Variants in LRRC69 observed in about 807,000 individuals in gnomAD.
The protein encoded by LRRC69 is leucine-rich repeat-containing protein 69.
A neutral mutation model predicts 37.8 loss-of-function variants in LRRC69; 42 were observed. The ratio of observed to expected loss-of-function variants is 1.11; its 90% CI spans 0.87 to 1.44. The LOEUF (loss-of-function observed/expected upper bound fraction) is 1.44, where lower values mean the gene tolerates loss of function less well. LRRC69 is among the 40% of genes most tolerant of loss of function. The pLI, the probability that LRRC69 is intolerant of heterozygous loss-of-function variation, is 0.00. For missense variants in LRRC69, 357 were observed against 401.9 expected (o/e 0.89, Z 0.96); for synonymous variants, 141 against 143.1 (o/e 0.99, Z 0.11).
intron 1 of LRRC69, among the ~76,000 whole-genome samples, chr8:91,117,709 A>G (rs894073232): frequency 1.3e-5 from 2 of 151,742 alleles, no homozygotes; most frequent in Non-Finnish European, 2.9e-5. Context: ...AAAACTAATT[A>G]TGCACCAACA....
chr8:91,132,527 A>G (rs1349753885), intron 3 of LRRC69, among the ~76,000 whole-genome samples: 1 of 152,040 alleles, frequency 6.6e-6, no homozygotes, highest in Non-Finnish European at 1.5e-5. Flanking sequence ...TTCAGGAACC[A>G]TATCTGCAAT....
At chr8:91,161,921 T>G (rs2130566336) in intron 5 of LRRC69, among the ~76,000 whole-genome samples, 1 of 151,486 alleles carries the variant, frequency 6.6e-6, no homozygotes, top group South Asian at 2.1e-4. Flanking sequence ...TAGTAATGCT[T>G]TTACTATATT....
chr8:91,173,245 G>A (rs1287297612), intron 5 of LRRC69, among the ~76,000 whole-genome samples: 1 of 151,912 alleles, frequency 6.6e-6, no homozygotes, highest in Non-Finnish European at 1.5e-5. Flanking sequence ...ATTGTTCCCT[G>A]ATCCCATTAT....
chr8:91,196,881 G>A (rs897406651), intron 6 of LRRC69, among the ~76,000 whole-genome samples: 36 of 152,186 alleles, frequency 2.4e-4, no homozygotes, highest in African/African-American at 8.7e-4. Flanking sequence ...TCCATTGCTG[G>A]TGAGGCACTG....
intron 5 of LRRC69, chr8:91,158,072 A>G (rs1349476829): frequency 7.0e-7 from 1 of 1,420,464 alleles, no homozygotes; most frequent in African/African-American, 1.4e-5. Context: ...GCCCTACTCA[A>G]TACATGCCCA....
chr8:91,203,947 G>A (rs13260941), intron 7 of LRRC69, among the ~76,000 whole-genome samples: 7,836 of 150,978 alleles, frequency 0.052, 274 homozygotes, highest in Middle Eastern at 0.17. Flanking sequence ...GTGAAACCCC[G>A]TCTCTACTAA....
chr8:91,120,022 T>A (rs531248886), intron 1 of LRRC69, among the ~76,000 whole-genome samples: 16 of 151,844 alleles, frequency 1.1e-4, no homozygotes, highest in Non-Finnish European at 2.1e-4. Flanking sequence ...TATACTATCA[T>A]TTATCTTGGG....
chr8:91,169,520 A>G (rs1461490865), intron 5 of LRRC69, among the ~76,000 whole-genome samples: 1 of 110,436 alleles, frequency 9.1e-6, no homozygotes, highest in African/African-American at 2.9e-5. Flanking sequence ...ATGTGTGTAT[A>G]TAATTTTTTT....
intron 7 of LRRC69, among the ~76,000 whole-genome samples, chr8:91,211,912 A>G (rs1270994910): frequency 6.6e-6 from 1 of 152,112 alleles, no homozygotes; most frequent in African/African-American, 2.4e-5. Flanking sequence ...AATTGCTTCT[A>G]TTCAGGTGAA....
rs114467957 is a variant in LRRC69 at position 91,187,759 on chromosome 8, C to A, written c.652-1763C>A. 4.7e-3 allele frequency among the ~76,000 whole-genome samples: 710 copies of A among 152,310 alleles called. 5 individuals are homozygous for A. Among genetic ancestry groups the A allele is most frequent in the African/African-American group, 0.016 (680 of 41,572 alleles). ...AGGGACTATGTCTGACTCCTTCAACCATCCAGTGTCTTCAGACTTATTCAG... is the reference window on the plus strand; with the variant it reads ...AGGGACTATGTCTGACTCCTTCAACAATCCAGTGTCTTCAGACTTATTCAG... On this transcript the variant is annotated intron_variant, in intron 5 of 7. Coordinates refer to ENST00000448384, the Ensembl canonical transcript of LRRC69.
chr8:91,213,585 G>A (rs928548934), intron 7 of LRRC69, among the ~76,000 whole-genome samples: 3 of 152,110 alleles, frequency 2.0e-5, no homozygotes, highest in African/African-American at 7.2e-5. Context: ...TTTAAAATTT[G>A]AGTTTAAATG....
chr8:91,160,432 G>T (rs1054042435), intron 5 of LRRC69, among the ~76,000 whole-genome samples: 1 of 150,876 alleles, frequency 6.6e-6, no homozygotes, highest in Non-Finnish European at 1.5e-5. Context: ...GTACTGACAT[G>T]GTTTGGCTCT....
Position 91,176,134 on chromosome 8 carries a change from A to ATATATATT in LRRC69, c.652-13387_652-13386insATATATTT. 1.5e-3 allele frequency among the ~76,000 whole-genome samples: 117 copies of ATATATATT among 75,690 alleles called. 1 individual carries two copies. In the Middle Eastern group the frequency reaches 0.032, roughly 21 times the overall value. The allele number at this position is 75,690 out of a possible 152,430, so 49.7% of individuals were successfully genotyped here. On this transcript the variant is annotated intron_variant, in intron 5 of 7. Coordinates refer to ENST00000448384, the Ensembl canonical transcript of LRRC69. Reference sequence around the variant, plus strand: ...ATCCCTCATATATATATATATATATATTTTTTTTTTTTCTTTTTTTTGAGA... The same window carrying ATATATATT: ...ATCCCTCATATATATATATATATATATATATATTTTTTTTTTTTTTCTTTTTTTTGAGA...
chr8:91,201,514 A>ATTT (rs5893165), intron 7 of LRRC69, among the ~76,000 whole-genome samples: 1 of 151,380 alleles, frequency 6.6e-6, no homozygotes, highest in African/African-American at 2.4e-5. Flanking sequence ...TTTTATTTTG[A>ATTT]TTTTTTTTTC....
In LRRC69 at chr8:91,102,785, CT is replaced by C; in HGVS notation, c.125del (p.Leu42GlnfsTer7). On this transcript the variant is annotated frameshift_variant, in exon 1 of 8. Coordinates refer to ENST00000448384, the Ensembl canonical transcript of LRRC69. LOFTEE classifies it high-confidence loss of function. ...AGGAAAACTGCCTGGCCTGAAGACT[CT>C]AGTCCTTCAGAATAACCTAATCCCC... 6.4e-7 allele frequency: 1 copy of C among 1,551,864 alleles called. No individual in the cohort carries two copies. The highest frequency in any genetic ancestry group is 8.7e-7 in the Non-Finnish European group (1 of 1,146,938).
At chr8:91,112,846 C>T (rs759017544) in intron 1 of LRRC69, among the ~76,000 whole-genome samples, 4 of 151,726 alleles carry the variant, frequency 2.6e-5, no homozygotes, top group Non-Finnish European at 5.9e-5. Flanking sequence ...AATAAAAAAC[C>T]GTTAGAACTA....
At chr8:91,211,749 C>T (rs1489063799) in intron 7 of LRRC69, among the ~76,000 whole-genome samples, 1 of 151,440 alleles carries the variant, frequency 6.6e-6, no homozygotes, top group Non-Finnish European at 1.5e-5. Context: ...GAAGGGAGAA[C>T]ATATTTGATA....
intron 1 of LRRC69, among the ~76,000 whole-genome samples, chr8:91,110,956 C>G (rs769115855): frequency 5.3e-5 from 8 of 152,020 alleles, no homozygotes; most frequent in Non-Finnish European, 7.4e-5. Context: ...AAAATAAAAA[C>G]TGATGTGGAG....
At chr8:91,197,666 C>A (rs1033141016) in intron 6 of LRRC69, among the ~76,000 whole-genome samples, 1 of 152,182 alleles carries the variant, frequency 6.6e-6, no homozygotes, top group African/African-American at 2.4e-5. Context: ...ACCCCTTGCG[C>A]TTCCCGAGTG....
Sources: allele counts gnomAD v4.1 joint callset (sites outside exome capture counted in the v4.1 genomes callset), GRCh38; gene constraint gnomAD v4.1.1; transcripts MANE v1.5; gene names NCBI Gene and HGNC (gene_info 2026-07-23, HGNC 2026-07-21).